NOTCH2: variants seen among roughly 807,000 people sequenced by gnomAD.
NOTCH2 encodes the protein notch receptor 2.
Under a neutral mutation model 235.8 loss-of-function variants are expected in NOTCH2, and 29 were observed. That is an observed-to-expected ratio of 0.12 (90% CI 0.09 to 0.17). The LOEUF (loss-of-function observed/expected upper bound fraction) is 0.17. NOTCH2 is among the 10% of genes least tolerant of loss of function. The pLI is 1.00. For synonymous variants in NOTCH2, 1,086 were observed against 1,141.5 expected, an observed-to-expected ratio of 0.95 and a Z score of 0.98; for missense variants, 2,285 against 3,150.2, an observed-to-expected ratio of 0.73 and a Z score of 6.57.
chr1:119,971,013 C>A (rs1163153039), intron 5 of NOTCH2, among the ~76,000 whole-genome samples: 1 of 152,238 alleles, frequency 6.6e-6, no homozygotes, highest in Non-Finnish European at 1.5e-5. Flanking sequence ...GAATACCTAG[C>A]AATTTGACTG....
chr1:120,015,266 G>T (rs587700743), intron 2 of NOTCH2, among the ~76,000 whole-genome samples: 1 of 152,288 alleles, frequency 6.6e-6, no homozygotes, highest in African/African-American at 2.4e-5. Flanking sequence ...TCTTTGAACA[G>T]AACTCTGCTT....
At chr1:119,984,469 A>T (rs1651935795) in intron 5 of NOTCH2, among the ~76,000 whole-genome samples, 1 of 152,222 alleles carries the variant, frequency 6.6e-6, no homozygotes, top group East Asian at 1.9e-4. Context: ...CAGATAAAAC[A>T]TTGTAATTAG....
chr1:120,032,478 C>T lies in NOTCH2; in HGVS notation c.74-2491G>A, dbSNP rs1654130510. 1.4e-5 allele frequency among the ~76,000 whole-genome samples: 2 copies of T among 139,152 alleles called. 1 individual carries two copies. The highest frequency in any genetic ancestry group is 6.0e-5 in the African/African-American group (2 of 33,234). 91.3% of individuals were successfully genotyped at this position (139,152 alleles called of 152,430 possible). On this transcript the variant is annotated intron_variant, in intron 1 of 33. Coordinates refer to ENST00000256646, the MANE Select transcript of NOTCH2 (RefSeq NM_024408.4). Reference sequence around the variant, plus strand: ...AGTCAATATGTAGCAATCAATCTAGCAAATAACTTTACAGCCTAGCCCTAG... The same window carrying T: ...AGTCAATATGTAGCAATCAATCTAGTAAATAACTTTACAGCCTAGCCCTAG...
At chr1:119,999,917 G>GAA (rs1652651428) in intron 3 of NOTCH2, among the ~76,000 whole-genome samples, 1 of 91,098 alleles carries the variant, frequency 1.1e-5, no homozygotes, top group South Asian at 4.2e-4. Context: ...GAGAAAGAGA[G>GAA]AGAAAGAAAG....
At chr1:119,922,053 T>C (rs1649302888) in intron 28 of NOTCH2, among the ~76,000 whole-genome samples, 183 bp downstream of exon 28, 1 of 152,172 alleles carries the variant, frequency 6.6e-6, no homozygotes, top group Non-Finnish European at 1.5e-5. Context: ...TGTGATAATA[T>C]ACACAGAATA....
intron 25 of NOTCH2, 67 bp from the exon 26 acceptor site, chr1:119,924,051 C>T (rs1346983375): frequency 3.7e-6 from 5 of 1,338,038 alleles, no homozygotes; most frequent in Non-Finnish European, 5.3e-6. Context: ...TTTGCTTTTT[C>T]ATTTGGAACT....
In NOTCH2 at chr1:119,964,418, TC is replaced by T. The variant is rs587738047; in HGVS notation, c.1682-612del. Reference sequence around the variant, plus strand: ...TTTCCCTAAAAGACTCCAGGAGTCCTCCCCCCACTTTTAAACCTGAGCTAAA... The same window carrying T: ...TTTCCCTAAAAGACTCCAGGAGTCCTCCCCCACTTTTAAACCTGAGCTAAA... On this transcript the variant is annotated intron_variant, in intron 10 of 33. Coordinates refer to ENST00000256646, the MANE Select transcript of NOTCH2 (RefSeq NM_024408.4). 3.3e-5 allele frequency among the ~76,000 whole-genome samples: 5 copies of T among 152,244 alleles called. No homozygotes were observed. The East Asian group carries it at 7.7e-4, about 24-fold the overall frequency.
intron 5 of NOTCH2, among the ~76,000 whole-genome samples, chr1:119,974,719 C>T (rs587636536): frequency 8.5e-5 from 13 of 152,284 alleles, no homozygotes; most frequent in African/African-American, 2.4e-4. Flanking sequence ...ATTCACATGG[C>T]GAGGTACCTG....
rs778914409 is a variant in NOTCH2, at chr1:119,925,298, C to A, written c.4511+7G>T. The A allele has an allele frequency of 9.9e-6, 16 of 1,613,242 alleles. No individual in the cohort carries two copies. In the Admixed American group the frequency reaches 2.7e-4, roughly 27 times the overall value. On this transcript the variant is annotated splice_region_variant and intron_variant, in intron 25 of 33. Transcript: ENST00000256646. ...CCCTTCAGTTCTGGAAAACGTGAAG[C>A]CCTTACTTGCATGTCTTGCTGTTCC...
chr1:119,952,451 T>C, intron 14 of NOTCH2, among the ~76,000 whole-genome samples: 1 of 152,034 alleles, frequency 6.6e-6, no homozygotes, highest in East Asian at 1.9e-4. Flanking sequence ...CCTGAGCTTG[T>C]TTTCCTGCCA....
chr1:119,921,178 T>G (rs1292699775), intron 29 of NOTCH2, among the ~76,000 whole-genome samples: 1 of 152,248 alleles, frequency 6.6e-6, no homozygotes, highest in African/African-American at 2.4e-5. Flanking sequence ...CATGCACAGC[T>G]GTGGATGGAT....
chr1:119,920,943 T>A (rs1265815700), intron 29 of NOTCH2, among the ~76,000 whole-genome samples: 1 of 152,190 alleles, frequency 6.6e-6, no homozygotes, highest in African/African-American at 2.4e-5. Context: ...GCAGCTACCC[T>A]TTACTGAATA....
Position 119,986,882 on chromosome 1 carries a change from C to T in NOTCH2, c.874+78G>A, listed in dbSNP as rs1488949669. 4 of 1,592,756 alleles carry T rather than the reference C, an allele frequency of 2.5e-6. No homozygotes were observed. The African/African-American group carries it at 4.0e-5, about 16-fold the overall frequency. Reference sequence around the variant, plus strand: ...CAGAGCAGGCCTAAGATATTTGTTACTGATATTTTAAAAAAACAGTCTGCC... The same window carrying T: ...CAGAGCAGGCCTAAGATATTTGTTATTGATATTTTAAAAAAACAGTCTGCC... On this transcript the variant is annotated intron_variant, in intron 5 of 33. Coordinates refer to ENST00000256646, the MANE Select transcript of NOTCH2 (RefSeq NM_024408.4).
chr1:119,956,113 C>T lies in NOTCH2; in HGVS notation c.2027-881G>A, dbSNP rs1015685785. Among the ~76,000 whole-genome samples the T allele has an allele frequency of 2.0e-5, 3 of 152,172 alleles. No homozygotes were observed. In the East Asian group the frequency reaches 5.8e-4, roughly 29 times the overall value. On this transcript the variant is annotated intron_variant, in intron 12 of 33. Coordinates refer to ENST00000256646, the MANE Select transcript of NOTCH2 (RefSeq NM_024408.4). ...AAGTGAATATGTTGCTCCTCCAAGA[C>T]ATAGCCAAGATTGCTCTTTAAAAAG...
rs587611367 is a variant in NOTCH2, at chr1:120,068,736, G to A, written c.73+598C>T. The A allele has an allele frequency of 9.4e-4, 311 of 329,516 alleles. 5 individuals carry two copies. Among genetic ancestry groups the A allele is most frequent in the South Asian group, 6.0e-3 (272 of 45,282 alleles). The allele number at this position is 329,516 out of a possible 1,614,324, so 20.4% of individuals were successfully genotyped here. A position where few individuals can be genotyped will look rare whatever the true frequency, so the allele number is the denominator to read the frequency against. On this transcript the variant is annotated intron_variant, in intron 1 of 33. Transcript: ENST00000256646. Reference sequence around the variant, plus strand: ...TCTCCTGCCTCCACCTTTCAAAGACGCGAGCAGCACACACGGCTCCCCCGG... The same window carrying A: ...TCTCCTGCCTCCACCTTTCAAAGACACGAGCAGCACACACGGCTCCCCCGG...
At chr1:120,004,041 A>G (rs1375092069) in intron 3 of NOTCH2, among the ~76,000 whole-genome samples, 3 of 150,604 alleles carry the variant, frequency 2.0e-5, no homozygotes, top group East Asian at 2.0e-4. Context: ...AAAATATTAG[A>G]CATTGTAAGC....
chr1:119,966,798 G>A (rs587626485), intron 8 of NOTCH2, among the ~76,000 whole-genome samples: 11 of 152,304 alleles, frequency 7.2e-5, no homozygotes, highest in African/African-American at 2.6e-4. Context: ...GACTGTGGAA[G>A]GCCCAAAATG....
At chr1:119,956,030 T>C (rs1553198340) in intron 12 of NOTCH2, among the ~76,000 whole-genome samples, 1 of 152,232 alleles carries the variant, frequency 6.6e-6, no homozygotes, top group African/African-American at 2.4e-5. Context: ...AATTCTGTTC[T>C]AGACAATTAT....
At chr1:119,979,104 T>C (rs186344431) in intron 5 of NOTCH2, among the ~76,000 whole-genome samples, 93 of 152,238 alleles carry the variant, frequency 6.1e-4, no homozygotes, top group African/African-American at 2.2e-3. Flanking sequence ...TAGTCTCTGA[T>C]CAAAGGGGCT....
Sources: gnomAD v4.1 joint callset for allele counts (sites outside exome capture counted in the v4.1 genomes callset) on GRCh38, gnomAD v4.1.1 for gene constraint, MANE v1.5 for transcripts, NCBI Gene and HGNC (gene_info 2026-07-23, HGNC 2026-07-21) for gene names.